The following CRK variants were observed in gnomAD, a reference collection of about 807,000 sequenced individuals.
CRK encodes CRK proto-oncogene, adaptor protein.
CRK carries 4 observed loss-of-function variants against 29.8 expected under a neutral mutation model. That is an observed-to-expected ratio of 0.13 (90% CI 0.07 to 0.31). CRK has a LOEUF of 0.31. Among genes scored for constraint, CRK ranks in the 10% least tolerant of loss-of-function variants. The pLI is 1.00. For missense variants in CRK, 274 were observed against 396.5 expected (o/e 0.69, Z 2.62); for synonymous variants, 153 against 164.9 (o/e 0.93, Z 0.55).
chr17:1,444,178 A>G (rs1158090114), intron 1 of CRK, among the ~76,000 whole-genome samples: 1 of 152,068 alleles, frequency 6.6e-6, no homozygotes, highest in Non-Finnish European at 1.5e-5. Context: ...GCTAAACTGC[A>G]GTAGCTATGC....
chr17:1,445,429 A>G lies in CRK; in HGVS notation c.242-8274T>C, dbSNP rs544859692. Among the ~76,000 whole-genome samples, 10 of 152,332 alleles carry G rather than the reference A, an allele frequency of 6.6e-5. No homozygotes were observed. In the South Asian group the frequency reaches 2.1e-3, roughly 32 times the overall value. ...AGACACTGAAAGGGGTGCGAGTGCC[A>G]GGACTGTCCTCTATGGCAAACACTC... On this transcript the variant is annotated intron_variant, in intron 1 of 2. Transcript: ENST00000300574.
Position 1,421,986 on chromosome 17 carries a change from C to G in CRK, c.*1527G>C, listed in dbSNP as rs1268979385. On this transcript the variant is annotated 3_prime_UTR_variant, in exon 3 of 3. Transcript: ENST00000300574. ...AGGTCTATTTTGTGGAGCACCTGAC[C>G]CCATATAAATCATTCCATACTTAAA... 2 of 151,930 alleles carry G rather than the reference C, an allele frequency of 1.3e-5. No homozygotes were observed. The highest frequency in any genetic ancestry group is 1.5e-5 in the Non-Finnish European group (1 of 68,012). The allele number at this position is 151,930 out of a possible 1,614,324, so 9.4% of individuals were successfully genotyped here. A position where few individuals can be genotyped will look rare whatever the true frequency, so the allele number is the denominator to read the frequency against.
chr17:1,447,477 G>T (rs1437905148), intron 1 of CRK, among the ~76,000 whole-genome samples: 1 of 152,022 alleles, frequency 6.6e-6, no homozygotes, highest in Non-Finnish European at 1.5e-5. Context: ...TTTTTACAAG[G>T]CCACTCCCTC....
Position 1,433,861 on chromosome 17 carries a change from A to G in CRK, c.777+2759T>C, listed in dbSNP as rs1381248548. Among the ~76,000 whole-genome samples, 4 of 135,616 alleles carry G rather than the reference A, an allele frequency of 2.9e-5. No individual in the cohort carries two copies. The East Asian group carries it at 8.4e-4, about 29-fold the overall frequency. The allele number at this position is 135,616 out of a possible 152,430, so 89.0% of individuals were successfully genotyped here. ...TTTTTTTTTTTTAGATCACCTGGCT[A>G]ATTTTTAAAAACATTTTTTGTAGAG... On this transcript the variant is annotated intron_variant, in intron 2 of 2. Coordinates refer to ENST00000300574, the MANE Select transcript of CRK (RefSeq NM_016823.4).
At chr17:1,449,238 G>C (rs113716064) in intron 1 of CRK, among the ~76,000 whole-genome samples, 1 of 152,054 alleles carries the variant, frequency 6.6e-6, no homozygotes, top group African/African-American at 2.4e-5. Context: ...TGCTGGACCC[G>C]AGGTCCTTTC....
At chr17:1,428,276 G>A (rs1039397465) in intron 2 of CRK, among the ~76,000 whole-genome samples, 3 of 151,286 alleles carry the variant, frequency 2.0e-5, no homozygotes, top group Admixed American at 1.3e-4. Flanking sequence ...CCGCCACCAC[G>A]CCCAGCTGAT....
intron 1 of CRK, among the ~76,000 whole-genome samples, chr17:1,442,527 T>A (rs2073943043): frequency 1.3e-5 from 2 of 151,816 alleles, no homozygotes; most frequent in African/African-American, 4.8e-5. Flanking sequence ...TTAATTTTAA[T>A]TATATGTGAG....
intron 1 of CRK, among the ~76,000 whole-genome samples, chr17:1,450,160 G>A (rs1243132956): frequency 1.3e-5 from 2 of 152,050 alleles, no homozygotes; most frequent in African/African-American, 4.8e-5. Context: ...AGCTGAGATC[G>A]TCCCACTGCA....
chr17:1,444,476 G>A (rs2073958188), intron 1 of CRK, among the ~76,000 whole-genome samples: 1 of 151,912 alleles, frequency 6.6e-6, no homozygotes, highest in Non-Finnish European at 1.5e-5. Flanking sequence ...AGTGAGTCAA[G>A]ACTGCGCCAC....
chr17:1,441,208 G>A (rs555009066), intron 1 of CRK, among the ~76,000 whole-genome samples: 31 of 152,254 alleles, frequency 2.0e-4, no homozygotes, highest in Middle Eastern at 3.4e-3. Context: ...TATTACAGGC[G>A]TGAGCCACCA....
intron 2 of CRK, among the ~76,000 whole-genome samples, chr17:1,428,144 T>A (rs926654942): frequency 1.4e-5 from 2 of 145,592 alleles, no homozygotes; most frequent in Admixed American, 6.9e-5. Flanking sequence ...TTTAATGGAG[T>A]TTTTGCTCTT....
rs1171030318 is a variant in CRK, at chr17:1,421,380, A to G, written c.*2133T>C. ...CATACTTTCAGGAAAACAAGATTTA[A>G]TGTGTGTGTGGACTTTACAGTATCT... On this transcript the variant is annotated 3_prime_UTR_variant, in exon 3 of 3. Transcript: ENST00000300574. 1 of 152,252 alleles carries G rather than the reference A, an allele frequency of 6.6e-6. No homozygotes were observed. Among genetic ancestry groups the G allele is most frequent in the Non-Finnish European group, 1.5e-5 (1 of 68,048 alleles). The allele number at this position is 152,252 out of a possible 1,614,324, so 9.4% of individuals were successfully genotyped here.
At chr17:1,434,236 A>G (rs770093239) in intron 2 of CRK, among the ~76,000 whole-genome samples, 1 of 152,132 alleles carries the variant, frequency 6.6e-6, no homozygotes. Context: ...AGCCTTAACA[A>G]TTCACCTGCA....
At position 1,420,821 on chromosome 17, in the gene CRK, G is replaced by A. The variant is rs1424531390; in HGVS notation, c.*2692C>T. ...AATTTAACTGTCAAGAAAGTGTATA[G>A]TGTTATAATACAATGGCACATGTTT... On this transcript the variant is annotated 3_prime_UTR_variant, in exon 3 of 3. Coordinates refer to ENST00000300574, the MANE Select transcript of CRK (RefSeq NM_016823.4). 6.6e-6 allele frequency: 1 copy of A among 152,006 alleles called. No individual in the cohort carries two copies. The highest frequency in any genetic ancestry group is 1.5e-5 in the Non-Finnish European group (1 of 68,022). 9.4% of individuals were successfully genotyped at this position (152,006 alleles called of 1,614,324 possible).
intron 2 of CRK, among the ~76,000 whole-genome samples, chr17:1,428,619 G>C (rs557447414): frequency 7.2e-6 from 1 of 138,688 alleles, no homozygotes; most frequent in East Asian, 2.2e-4. Flanking sequence ...TGCCTCCCAG[G>C]TTCAAGTGAT....
At chr17:1,429,159 G>C (rs1055920248) in intron 2 of CRK, among the ~76,000 whole-genome samples, 1 of 151,768 alleles carries the variant, frequency 6.6e-6, no homozygotes, top group African/African-American at 2.4e-5. Flanking sequence ...GATTCTCTTG[G>C]ATCTACCCTG....
At chr17:1,439,910 T>C (rs1477193586) in intron 1 of CRK, among the ~76,000 whole-genome samples, 9 of 151,990 alleles carry the variant, frequency 5.9e-5, no homozygotes, top group Admixed American at 5.9e-4. Flanking sequence ...CCTAGAACTT[T>C]AGGAGGCTGA....
At chr17:1,429,201 T>C (rs2073813397) in intron 2 of CRK, among the ~76,000 whole-genome samples, 1 of 152,074 alleles carries the variant, frequency 6.6e-6, no homozygotes, top group Non-Finnish European at 1.5e-5. Flanking sequence ...TCTAAAACTT[T>C]TTTTTTTACA....
chr17:1,442,566 A>T (rs927024730), intron 1 of CRK, among the ~76,000 whole-genome samples: 16 of 147,540 alleles, frequency 1.1e-4, no homozygotes, highest in Non-Finnish European at 2.2e-4. Flanking sequence ...ATTAATTTTA[A>T]TTATTTGCTT....
Sources: gnomAD v4.1 joint callset for allele counts (sites outside exome capture counted in the v4.1 genomes callset) on GRCh38, gnomAD v4.1.1 for gene constraint, MANE v1.5 for transcripts, NCBI Gene and HGNC (gene_info 2026-07-23, HGNC 2026-07-21) for gene names.